FAF1: variants seen among roughly 807,000 people sequenced by gnomAD.
FAF1 encodes the protein Fas associated factor 1.
FAF1 carries 25 observed loss-of-function variants against 92.5 expected under a neutral mutation model. The ratio of observed to expected loss-of-function variants is 0.27; its 90% CI spans 0.20 to 0.38. The LOEUF is 0.38. FAF1 is among the 10% of genes least tolerant of loss of function. FAF1 has a pLI of 1.00. For missense variants in FAF1, 636 were observed against 793.3 expected (o/e 0.80, Z 2.38); for synonymous variants, 234 against 273.2 (o/e 0.86, Z 1.42).
At chr1:50,578,742 C>T (rs1054136045) in intron 12 of FAF1, among the ~76,000 whole-genome samples, 1 of 152,096 alleles carries the variant, frequency 6.6e-6, no homozygotes, top group East Asian at 1.9e-4. Flanking sequence ...CACAGAGCAT[C>T]ACAGAATTCT....
chr1:50,785,620 A>AT (rs1557526667), intron 4 of FAF1, among the ~76,000 whole-genome samples: 1 of 151,992 alleles, frequency 6.6e-6, no homozygotes, highest in Non-Finnish European at 1.5e-5. Flanking sequence ...CAAAAAAAAA[A>AT]GGAAAGAAAA....
intron 15 of FAF1, among the ~76,000 whole-genome samples, chr1:50,514,713 A>G (rs1337881089): frequency 2.6e-5 from 4 of 152,194 alleles, no homozygotes; most frequent in Non-Finnish European, 1.5e-5. Flanking sequence ...TCTGGATAGA[A>G]GTGGTATGTG....
intron 1 of FAF1, among the ~76,000 whole-genome samples, chr1:50,905,585 G>A (rs1193465063): frequency 6.6e-6 from 1 of 152,118 alleles, no homozygotes; most frequent in Non-Finnish European, 1.5e-5. Context: ...TTGTAACTGT[G>A]AGATGGTATC....
chr1:50,890,744 T>C (rs913143548), intron 1 of FAF1, among the ~76,000 whole-genome samples: 1 of 152,222 alleles, frequency 6.6e-6, no homozygotes, highest in African/African-American at 2.4e-5. Context: ...GTTAGTCTGA[T>C]GGGCTTCCCT....
chr1:50,547,783 A>G (rs755856819), intron 13 of FAF1, among the ~76,000 whole-genome samples: 16 of 152,196 alleles, frequency 1.1e-4, no homozygotes, highest in Non-Finnish European at 1.8e-4. Flanking sequence ...AAAGGCTTTG[A>G]GGCACTTAAA....
chr1:50,485,667 CAAAAAAAAAAAAAAAA>C (rs999538430), intron 17 of FAF1, among the ~76,000 whole-genome samples: 3 of 13,718 alleles, frequency 2.2e-4, no homozygotes. Flanking sequence ...GAGACTGTCT[CAAAAAAAAAAAAAAAA>C]AAAAAAAAAA....
At chr1:50,884,980 T>C (rs1011578999) in intron 1 of FAF1, among the ~76,000 whole-genome samples, 6 of 152,158 alleles carry the variant, frequency 3.9e-5, no homozygotes, top group African/African-American at 1.4e-4. Flanking sequence ...AGGTTTTAGA[T>C]TTCTTTATGG....
intron 5 of FAF1, among the ~76,000 whole-genome samples, chr1:50,741,819 A>C (rs575674753): frequency 6.6e-6 from 1 of 152,228 alleles, no homozygotes; most frequent in Non-Finnish European, 1.5e-5. Flanking sequence ...GAGATATGGG[A>C]TAGGAGGGAA....
chr1:50,540,824 T>C (rs1648724524), intron 13 of FAF1, among the ~76,000 whole-genome samples: 1 of 152,210 alleles, frequency 6.6e-6, no homozygotes, highest in Non-Finnish European at 1.5e-5. Context: ...TAATGGACTT[T>C]TAATAACACA....
chr1:50,638,331 A>C (rs537682053), intron 8 of FAF1, among the ~76,000 whole-genome samples: 12 of 152,338 alleles, frequency 7.9e-5, no homozygotes, highest in African/African-American at 2.9e-4. Context: ...TAAGACTAGC[A>C]GTATAACATT....
At chr1:50,448,031 T>A (rs1054034382) in intron 18 of FAF1, among the ~76,000 whole-genome samples, 2 of 152,230 alleles carry the variant, frequency 1.3e-5, no homozygotes, top group African/African-American at 4.8e-5. Context: ...GTAAACTGGA[T>A]TGCAGTTAAG....
intron 7 of FAF1, among the ~76,000 whole-genome samples, chr1:50,670,934 A>T (rs938864576): frequency 6.6e-6 from 1 of 152,310 alleles, no homozygotes; most frequent in Admixed American, 6.5e-5. Flanking sequence ...CCTCAAATAC[A>T]TAAATAAATA....
intron 18 of FAF1, among the ~76,000 whole-genome samples, chr1:50,446,588 A>C (rs1046060203): frequency 1.3e-5 from 2 of 152,226 alleles, no homozygotes; most frequent in Admixed American, 1.3e-4. Flanking sequence ...GGAGCTGAGT[A>C]ATACTAAAAA....
intron 17 of FAF1, among the ~76,000 whole-genome samples, chr1:50,489,032 A>G (rs1480373272): frequency 2.0e-5 from 3 of 152,192 alleles, no homozygotes; most frequent in Non-Finnish European, 4.4e-5. Context: ...CCTGACTCAA[A>G]TATTACTTCA....
At chr1:50,663,498 G>A (rs1019341856) in intron 7 of FAF1, among the ~76,000 whole-genome samples, 2 of 150,344 alleles carry the variant, frequency 1.3e-5, no homozygotes, top group South Asian at 2.1e-4. Flanking sequence ...CGCCTCCCAG[G>A]TTCAAGCGAT....
At chr1:50,486,540 T>C (rs954067864) in intron 17 of FAF1, among the ~76,000 whole-genome samples, 1 of 152,138 alleles carries the variant, frequency 6.6e-6, no homozygotes, top group Non-Finnish European at 1.5e-5. Context: ...AATTCACATC[T>C]CTACGGGCGC....
At chr1:50,618,992 T>A (rs1235693832) in intron 8 of FAF1, among the ~76,000 whole-genome samples, 3 of 152,060 alleles carry the variant, frequency 2.0e-5, no homozygotes, top group Non-Finnish European at 4.4e-5. Flanking sequence ...CCTGACCTCA[T>A]GTAATTCACC....
intron 2 of FAF1, among the ~76,000 whole-genome samples, chr1:50,815,877 G>A (rs1478437894): frequency 1.3e-5 from 2 of 151,894 alleles, no homozygotes; most frequent in African/African-American, 2.4e-5. Context: ...TACCAAAGAA[G>A]TTAGCCAGGC....
In FAF1 at chr1:50,440,198, A is replaced by G. The variant is rs756825479; in HGVS notation, c.*1242T>C. 1.2e-4 allele frequency: 19 copies of G among 152,322 alleles called. No homozygotes were observed. Among genetic ancestry groups the G allele is most frequent in the Middle Eastern group, 3.4e-3 (1 of 294 alleles). The allele number at this position is 152,322 out of a possible 1,614,324, so 9.4% of individuals were successfully genotyped here. A position where few individuals can be genotyped will look rare whatever the true frequency, so the allele number is the denominator to read the frequency against. ...AACAGATATGGAGAAATATTTCAAGACTAAAAATAAATCATTGGCTGTGAA... is the reference window on the plus strand; with the variant it reads ...AACAGATATGGAGAAATATTTCAAGGCTAAAAATAAATCATTGGCTGTGAA... On this transcript the variant is annotated 3_prime_UTR_variant, in exon 19 of 19. Transcript: ENST00000396153.
Sources: allele counts gnomAD v4.1 joint callset (sites outside exome capture counted in the v4.1 genomes callset), GRCh38; gene constraint gnomAD v4.1.1; transcripts MANE v1.5; gene names NCBI Gene and HGNC (gene_info 2026-07-23, HGNC 2026-07-21).